Variants in PPP2R2C observed in about 807,000 individuals in gnomAD.
PPP2R2C encodes the protein protein phosphatase 2, regulatory subunit B, gamma.
Under a neutral mutation model 45.3 loss-of-function variants are expected in PPP2R2C, and 10 were observed. That is an observed-to-expected ratio of 0.22 (90% CI 0.14 to 0.37). The LOEUF (loss-of-function observed/expected upper bound fraction) is 0.37, where lower values mean the gene tolerates loss of function less well. Ranked by LOEUF, PPP2R2C falls within the 10% of genes least tolerant of loss-of-function variation. The pLI is 1.00. For missense variants in PPP2R2C, 308 were observed against 619.7 expected (o/e 0.50, Z 5.34); for synonymous variants, 257 against 245.4 (o/e 1.05, Z -0.44).
chr4:6,482,767 C>T (rs1206967803), intron 2 of PPP2R2C, among the ~76,000 whole-genome samples: 3 of 152,202 alleles, frequency 2.0e-5, no homozygotes, highest in Non-Finnish European at 4.4e-5. Context: ...CAGTATTGAA[C>T]AGCAGTGGTG....
At chr4:6,401,170 TTAG>T (rs1373733204) in intron 1 of PPP2R2C, among the ~76,000 whole-genome samples, 3 of 152,166 alleles carry the variant, frequency 2.0e-5, no homozygotes. Context: ...CTTGGAAATG[TTAG>T]TACTCCCGTT....
chr4:6,541,656 C>T (rs1316657545), intron 1 of PPP2R2C, among the ~76,000 whole-genome samples: 1 of 152,198 alleles, frequency 6.6e-6, no homozygotes, highest in Non-Finnish European at 1.5e-5. Flanking sequence ...AGCAATCCTC[C>T]TGCCTCAGCC....
chr4:6,561,948 G>A (rs149152476), intron 1 of PPP2R2C, among the ~76,000 whole-genome samples: 3 of 152,332 alleles, frequency 2.0e-5, no homozygotes, highest in African/African-American at 4.8e-5. Flanking sequence ...CTGAGAAGCT[G>A]CGATTTGCCA....
intron 2 of PPP2R2C, among the ~76,000 whole-genome samples, chr4:6,477,821 A>AC (rs936795411): frequency 1.2e-4 from 18 of 146,670 alleles, no homozygotes; most frequent in African/African-American, 3.3e-4. Flanking sequence ...CCACGCCTTC[A>AC]CCCCCCACAG....
At chr4:6,461,301 T>C (rs1049200811) in intron 1 of PPP2R2C, among the ~76,000 whole-genome samples, 4 of 152,132 alleles carry the variant, frequency 2.6e-5, no homozygotes, top group African/African-American at 9.7e-5. Context: ...GGACTGAGAA[T>C]GTAAAGGTTT....
intron 1 of PPP2R2C, among the ~76,000 whole-genome samples, chr4:6,399,266 A>C (rs896220973): frequency 6.6e-6 from 1 of 152,220 alleles, no homozygotes; most frequent in Admixed American, 6.5e-5. Flanking sequence ...AAGCTTTGAA[A>C]AGTCTTCGTT....
At chr4:6,519,483 C>T (rs1723946980) in intron 2 of PPP2R2C, among the ~76,000 whole-genome samples, 2 of 152,210 alleles carry the variant, frequency 1.3e-5, no homozygotes. Flanking sequence ...TCCCGTCATG[C>T]AGCCTCCCTC....
At chr4:6,460,468 G>A (rs907742186) in intron 1 of PPP2R2C, among the ~76,000 whole-genome samples, 1 of 152,136 alleles carries the variant, frequency 6.6e-6, no homozygotes, top group Non-Finnish European at 1.5e-5. Context: ...TCAACTGCCC[G>A]GTATGTGGCA....
rs765351754 is a variant in PPP2R2C at position 6,378,607 on chromosome 4, G to A, written c.169-35C>T. 7 of 1,593,460 alleles carry A rather than the reference G, an allele frequency of 4.4e-6. No individual in the cohort carries two copies. Among genetic ancestry groups the A allele is most frequent in the East Asian group, 2.2e-5 (1 of 44,546 alleles). On this transcript the variant is annotated intron_variant, in intron 2 of 8. Coordinates refer to ENST00000382599, the MANE Select transcript of PPP2R2C (RefSeq NM_020416.4). This position sits in a 1 kb window ranked among gnomAD's most constrained non-coding sequence, Gnocchi z 5.2. The stretch of plus-strand genomic sequence containing the variant: ...AACCCGGAGAAGGGGCCTGAGCACC[G>A]TGACCTGCAGGGCGACGGCTAGGAC...
rs568899195 is a variant in PPP2R2C, at chr4:6,378,877, G to A, written c.169-305C>T. Among the ~76,000 whole-genome samples, 3 of 151,608 alleles carry A rather than the reference G, an allele frequency of 2.0e-5. No individual in the cohort carries two copies. In the East Asian group the frequency reaches 5.9e-4, roughly 30 times the overall value. ...CCCACTAAGTCCTCCCCGCACCATC[G>A]CATTCTACCCTCCAGGCCTCCTCTG... On this transcript the variant is annotated intron_variant, in intron 2 of 8. Transcript: ENST00000382599. The surrounding 1 kb of genome is among the most constrained non-coding windows in gnomAD (Gnocchi z 5.2).
At chr4:6,376,800 C>T (rs1715340129) in intron 3 of PPP2R2C, among the ~76,000 whole-genome samples, 1 of 152,164 alleles carries the variant, frequency 6.6e-6, no homozygotes, top group Non-Finnish European at 1.5e-5. Context: ...TGCATGGGGA[C>T]AGGACGAGGC....
In PPP2R2C at chr4:6,527,651, G is replaced by A. The variant is rs116408695; in HGVS notation, c.49+7620C>T. Among the ~76,000 whole-genome samples the A allele has an allele frequency of 9.0e-3, 1,044 of 116,464 alleles. 15 individuals carry two copies. Among genetic ancestry groups the A allele is most frequent in the African/African-American group, 0.033 (999 of 30,106 alleles). 76.4% of individuals were successfully genotyped at this position (116,464 alleles called of 152,430 possible). A position where few individuals can be genotyped will look rare whatever the true frequency, so the allele number is the denominator to read the frequency against. On this transcript the variant is annotated intron_variant, in intron 2 of 9. Coordinates refer to the PPP2R2C transcript ENST00000506140. ...TTATGCCCTGGCCACATGGAACTCC[G>A]GCCATTTCCAGAATGCACCTCTCTT...
chr4:6,389,817 A>G (rs1190437193), intron 1 of PPP2R2C, among the ~76,000 whole-genome samples: 2 of 152,222 alleles, frequency 1.3e-5, no homozygotes, highest in Non-Finnish European at 2.9e-5. Flanking sequence ...AGCACAGAGA[A>G]GACAACTTGC....
chr4:6,477,753 AC>A (rs1722214043), intron 2 of PPP2R2C, among the ~76,000 whole-genome samples: 1 of 145,206 alleles, frequency 6.9e-6, no homozygotes, highest in African/African-American at 2.5e-5. Context: ...AAAAAAAAAA[AC>A]TGGAACTGGA....
intron 1 of PPP2R2C, among the ~76,000 whole-genome samples, chr4:6,554,533 C>G (rs1725296770): frequency 6.6e-6 from 1 of 152,150 alleles, no homozygotes; most frequent in African/African-American, 2.4e-5. Flanking sequence ...CAACAAGATA[C>G]CTTAGACTGA....
Position 6,516,533 on chromosome 4 carries a change from C to A in PPP2R2C, c.49+18738G>T, listed in dbSNP as rs1019015724. 4.6e-5 allele frequency among the ~76,000 whole-genome samples: 7 copies of A among 152,338 alleles called. No homozygotes were observed. The East Asian group carries it at 1.4e-3, about 29-fold the overall frequency. Reference sequence around the variant, plus strand: ...ACCAGGCCATCCGTCCATCTGTCCACCCTGCCCCAGGTGTGGGCAGTACTG... The same window carrying A: ...ACCAGGCCATCCGTCCATCTGTCCAACCTGCCCCAGGTGTGGGCAGTACTG... On this transcript the variant is annotated intron_variant, in intron 2 of 9. Coordinates refer to the PPP2R2C transcript ENST00000506140.
intron 2 of PPP2R2C, among the ~76,000 whole-genome samples, chr4:6,521,488 G>A (rs1224541477): frequency 6.6e-6 from 1 of 152,198 alleles, no homozygotes; most frequent in African/African-American, 2.4e-5. Flanking sequence ...CCCTAACAAG[G>A]GACACCCCAC....
At chr4:6,525,878 A>G (rs1351954061) in intron 2 of PPP2R2C, among the ~76,000 whole-genome samples, 2 of 151,840 alleles carry the variant, frequency 1.3e-5, no homozygotes, top group Non-Finnish European at 2.9e-5. Flanking sequence ...TAATTTTTAT[A>G]TTTTTAGTAG....
intron 2 of PPP2R2C, among the ~76,000 whole-genome samples, chr4:6,496,633 G>A (rs1025283118): frequency 4.6e-5 from 7 of 152,130 alleles, no homozygotes; most frequent in African/African-American, 7.2e-5. Flanking sequence ...AGGCTGAGGC[G>A]AGTGGATCAC....
Sources: gnomAD v4.1 joint callset for allele counts (sites outside exome capture counted in the v4.1 genomes callset) on GRCh38, gnomAD v4.1.1 for gene constraint, Gnocchi (gnomAD v3.1) non-coding constraint, MANE v1.5 for transcripts, NCBI Gene and HGNC (gene_info 2026-07-23, HGNC 2026-07-21) for gene names.